The following XKR6 variants were observed in gnomAD, a reference collection of about 807,000 sequenced individuals.
The protein encoded by XKR6 is XK-related protein 6.
Under a neutral mutation model 56.7 loss-of-function variants are expected in XKR6, and 22 were observed. The ratio of observed to expected loss-of-function variants is 0.39; its 90% CI spans 0.28 to 0.55. The LOEUF (loss-of-function observed/expected upper bound fraction) is 0.55. XKR6 is among the 20% of genes least tolerant of loss of function. The pLI, the probability that XKR6 is intolerant of heterozygous loss-of-function variation, is 0.66. For synonymous variants in XKR6, 524 were observed against 387.8 expected (o/e 1.35, Z -4.13); for missense variants, 852 against 889.0 (o/e 0.96, Z 0.53).
intron 1 of XKR6, among the ~76,000 whole-genome samples, chr8:11,171,592 T>C (rs1379625640): frequency 6.6e-6 from 1 of 152,156 alleles, no homozygotes; most frequent in East Asian, 1.9e-4. Flanking sequence ...CTTCTGGCTC[T>C]CTCCTGCTTT....
intron 1 of XKR6, among the ~76,000 whole-genome samples, chr8:10,930,126 G>C (rs1051111723): frequency 6.6e-6 from 1 of 152,200 alleles, no homozygotes; most frequent in Non-Finnish European, 1.5e-5. Context: ...GGTTGGCTAT[G>C]GCTCTGCCCA....
intron 1 of XKR6, among the ~76,000 whole-genome samples, chr8:10,935,489 G>A (rs1414298989): frequency 2.7e-3 from 324 of 118,420 alleles, no homozygotes; most frequent in Non-Finnish European, 4.9e-3. Flanking sequence ...TAATTGTGAT[G>A]TTAGGGTGTC....
intron 1 of XKR6, among the ~76,000 whole-genome samples, chr8:11,094,063 C>A (rs566876941): frequency 7.0e-6 from 1 of 143,528 alleles, no homozygotes; most frequent in African/African-American, 2.7e-5. Flanking sequence ...GGATTACAGG[C>A]GTGAGCCACC....
At chr8:11,008,879 G>A (rs1253693713) in intron 1 of XKR6, among the ~76,000 whole-genome samples, 1 of 152,102 alleles carries the variant, frequency 6.6e-6, no homozygotes, top group Non-Finnish European at 1.5e-5. Context: ...GCTTGCTAGG[G>A]CTCTTACAGC....
chr8:10,962,618 T>A (rs1268573141), intron 1 of XKR6, among the ~76,000 whole-genome samples: 2 of 152,106 alleles, frequency 1.3e-5, no homozygotes, highest in East Asian at 3.9e-4. Flanking sequence ...GTTCATCTGG[T>A]TTTTGTTTTG....
rs370043242 is a variant in XKR6, at chr8:11,117,871, A to C, written c.764+82705T>G. ...TTACAGACAATTCATCAAGGAAAAC[A>C]AGACCAATAAATACAGAAAAATAAC... On this transcript the variant is annotated intron_variant, in intron 1 of 2. Coordinates refer to ENST00000416569, the MANE Select transcript of XKR6 (RefSeq NM_173683.4). Among the ~76,000 whole-genome samples the C allele has an allele frequency of 7.2e-5, 11 of 152,346 alleles. 2 individuals carry two copies. In the East Asian group the frequency reaches 1.3e-3, roughly 19 times the overall value.
At chr8:11,017,617 G>A (rs1798656071) in intron 1 of XKR6, among the ~76,000 whole-genome samples, 1 of 152,222 alleles carries the variant, frequency 6.6e-6, no homozygotes, top group Non-Finnish European at 1.5e-5. Context: ...ACATTATGGT[G>A]GGCATCAGAG....
At chr8:11,082,209 G>T (rs888019645) in intron 1 of XKR6, among the ~76,000 whole-genome samples, 1 of 152,152 alleles carries the variant, frequency 6.6e-6, no homozygotes, top group South Asian at 2.1e-4. Context: ...CTGTTTGTTC[G>T]GGGGGCATCT....
At chr8:11,029,302 G>C (rs1189200621) in intron 1 of XKR6, among the ~76,000 whole-genome samples, 1 of 152,108 alleles carries the variant, frequency 6.6e-6, no homozygotes, top group Non-Finnish European at 1.5e-5. Flanking sequence ...TGTCCCTTTA[G>C]GAGACCCTTA....
intron 1 of XKR6, among the ~76,000 whole-genome samples, chr8:11,033,135 G>A (rs575774054): frequency 5.0e-4 from 76 of 152,210 alleles, no homozygotes; most frequent in Middle Eastern, 3.4e-3. Flanking sequence ...TGGTAATGAT[G>A]ATGATGGTAA....
chr8:11,039,758 C>T (rs1799237440), intron 1 of XKR6, among the ~76,000 whole-genome samples: 1 of 152,212 alleles, frequency 6.6e-6, no homozygotes, highest in South Asian at 2.1e-4. Context: ...TGAATATGCA[C>T]CTGCAAATGA....
chr8:10,911,713 G>C (rs934923378), intron 2 of XKR6, among the ~76,000 whole-genome samples: 1 of 149,542 alleles, frequency 6.7e-6, no homozygotes, highest in Non-Finnish European at 1.5e-5. Flanking sequence ...TGTAGAGAGA[G>C]AGAGAGTGAG....
chr8:11,083,340 A>T (rs1797789478), intron 1 of XKR6, among the ~76,000 whole-genome samples: 1 of 152,134 alleles, frequency 6.6e-6, no homozygotes, highest in South Asian at 2.1e-4. Context: ...CCCACGGTGC[A>T]ATTTTCCCCA....
At chr8:11,077,300 C>A (rs1373780481) in intron 1 of XKR6, among the ~76,000 whole-genome samples, 1 of 152,196 alleles carries the variant, frequency 6.6e-6, no homozygotes, top group African/African-American at 2.4e-5. Context: ...TTGGGAGACT[C>A]ATTTCATTTT....
At chr8:11,032,921 G>A (rs1294736931) in intron 1 of XKR6, among the ~76,000 whole-genome samples, 1 of 152,174 alleles carries the variant, frequency 6.6e-6, no homozygotes, top group Non-Finnish European at 1.5e-5. Context: ...TTGTGACCAT[G>A]AAGATAAAAA....
intron 1 of XKR6, among the ~76,000 whole-genome samples, chr8:11,131,615 A>C (rs1800107598): frequency 6.6e-6 from 1 of 152,176 alleles, no homozygotes; most frequent in Non-Finnish European, 1.5e-5. Context: ...CTTCCCCTGA[A>C]GTAGTCAGTG....
At chr8:11,003,019 T>C (rs1181961342) in intron 1 of XKR6, among the ~76,000 whole-genome samples, 1 of 151,206 alleles carries the variant, frequency 6.6e-6, no homozygotes, top group Non-Finnish European at 1.5e-5. Flanking sequence ...AAACCTCCAA[T>C]CTAACAATTC....
chr8:10,991,311 C>G (rs1797988414), intron 1 of XKR6, among the ~76,000 whole-genome samples: 1 of 152,162 alleles, frequency 6.6e-6, no homozygotes, highest in Non-Finnish European at 1.5e-5. Flanking sequence ...TCCAGGGTCA[C>G]AATCCACTGT....
At chr8:11,147,393 C>A (rs1030686182) in intron 1 of XKR6, among the ~76,000 whole-genome samples, 5 of 152,112 alleles carry the variant, frequency 3.3e-5, no homozygotes, top group Non-Finnish European at 5.9e-5. Flanking sequence ...CGGCCAGGCG[C>A]GGTGGCTCAC....
Sources: allele counts gnomAD v4.1 joint callset (sites outside exome capture counted in the v4.1 genomes callset), GRCh38; gene constraint gnomAD v4.1.1; transcripts MANE v1.5; gene names NCBI Gene and HGNC (gene_info 2026-07-23, HGNC 2026-07-21).